The following ACSL3 variants were observed in gnomAD, a reference collection of about 807,000 sequenced individuals.
ACSL3 encodes acyl-CoA synthetase long chain family member 3.
ACSL3 carries 34 observed loss-of-function variants against 84.7 expected under a neutral mutation model. That is an observed-to-expected ratio of 0.40 (90% confidence interval 0.31 to 0.53). The LOEUF (loss-of-function observed/expected upper bound fraction) is 0.53, where lower values mean the gene tolerates loss of function less well. ACSL3 is among the 20% of genes least tolerant of loss of function. ACSL3 has a pLI of 0.48. For missense variants in ACSL3, 680 were observed against 873.1 expected (o/e 0.78, Z 2.79); for synonymous variants, 315 against 299.4 (o/e 1.05, Z -0.54).
intron 1 of ACSL3, among the ~76,000 whole-genome samples, chr2:222,879,088 G>A (rs1054775794): frequency 4.6e-5 from 7 of 152,276 alleles, no homozygotes; most frequent in Admixed American, 2.0e-4. Context: ...AGGCCAAGGC[G>A]GGTGGATCAC....
chr2:222,920,873 T>C, intron 7 of ACSL3: 1 of 430,662 alleles, frequency 2.3e-6, no homozygotes. Context: ...CATTCCTACC[T>C]TTGGGTCTTT....
At chr2:222,909,197 C>T in intron 4 of ACSL3, 47 bp downstream of exon 4, 2 of 1,550,698 alleles carry the variant, frequency 1.3e-6, no homozygotes, top group Admixed American at 2.1e-5. Context: ...ATAAAATATC[C>T]TGTTAGAAAT....
At position 222,899,934 on chromosome 2, in the gene ACSL3, A is replaced by G. The variant is rs180720519; in HGVS notation, c.-147-740A>G. On this transcript the variant is annotated intron_variant, in intron 2 of 16. Transcript: ENST00000357430. The stretch of plus-strand genomic sequence containing the variant: ...TGTTCCCTTAACTGGAAACACCCGG[A>G]GGCTCGGAATGCCTAATTTTCTGGG... 2.3e-4 allele frequency among the ~76,000 whole-genome samples: 35 copies of G among 152,248 alleles called. No homozygotes were observed. In the East Asian group the frequency reaches 5.8e-3, roughly 25 times the overall value.
At chr2:222,894,981 C>T (rs1161481886) in intron 2 of ACSL3, among the ~76,000 whole-genome samples, 1 of 151,978 alleles carries the variant, frequency 6.6e-6, no homozygotes, top group African/African-American at 2.4e-5. Context: ...GACTATGTTA[C>T]TACTAGTTGC....
At chr2:222,913,302 A>AT (rs1224654949) in intron 4 of ACSL3, among the ~76,000 whole-genome samples, 1 of 151,816 alleles carries the variant, frequency 6.6e-6, no homozygotes, top group Non-Finnish European at 1.5e-5. Context: ...TCTTAGTCAC[A>AT]TTTTTTTACC....
rs190633208 is a variant in ACSL3, at chr2:222,886,393, C to T, written c.-206-1437C>T. Among the ~76,000 whole-genome samples, 588 of 152,230 alleles carry T rather than the reference C, an allele frequency of 3.9e-3. 2 individuals carry two copies. The highest frequency in any genetic ancestry group is 0.02 in the Middle Eastern group (6 of 294). Reference sequence around the variant, plus strand: ...GCTTCCAGCTTCATCCATGTCCCTGCGAAGGACATGAACTCATTCTTTTTT... The same window carrying T: ...GCTTCCAGCTTCATCCATGTCCCTGTGAAGGACATGAACTCATTCTTTTTT... On this transcript the variant is annotated intron_variant, in intron 1 of 16. Coordinates refer to ENST00000357430, the MANE Select transcript of ACSL3 (RefSeq NM_004457.5).
rs1469667362 is a variant in ACSL3 at position 222,934,580 on chromosome 2, C to T, written c.1898C>T (p.Thr633Ile). 2 of 1,598,604 alleles carry T rather than the reference C, an allele frequency of 1.3e-6. No individual in the cohort carries two copies. The highest frequency in any genetic ancestry group is 2.3e-5 in the East Asian group (1 of 44,392). Residue 633 changes from threonine (T) to isoleucine (I), a missense_variant, in exon 16 of 17, where the codon ACT (threonine) becomes ATT (isoleucine). Physicochemically the swap from Thr to Ile is moderately conservative, Grantham distance 89 (BLOSUM62 -1). Around this residue, in one of 2 missense-constraint regions of ACSL3, gnomAD observed 347 missense variants for 525.7 expected, o/e 0.66. Transcript: ENST00000357430. The stretch of plus-strand genomic sequence containing the variant: ...GTTGTGCCAAATCAAAAGGAACTAA[C>T]TGAACTAGCTCGAAAGAAAGGACTT... Reference protein sequence around the residue: ...GFVVPNQKELTELARKKGLKG... With the variant: ...GFVVPNQKELIELARKKGLKG...
rs1696787590 is a variant in ACSL3, at chr2:222,923,292, C to T, written c.1152+143C>T. 4 of 669,924 alleles carry T rather than the reference C, an allele frequency of 6.0e-6. No homozygotes were observed. In the Admixed American group the frequency reaches 9.0e-5, roughly 15 times the overall value. The allele number at this position is 669,924 out of a possible 1,614,324, so 41.5% of individuals were successfully genotyped here. On this transcript the variant is annotated intron_variant, in intron 10 of 16. Transcript: ENST00000357430. ...TTGATTATAAATATTGCCTTAGGCG[C>T]TATGGGATTTCTTCAGTCTTGTTTT... is the stretch of plus-strand genomic sequence containing the variant.
intron 1 of ACSL3, among the ~76,000 whole-genome samples, chr2:222,864,514 C>G (rs1695089869): frequency 6.6e-6 from 1 of 151,778 alleles, no homozygotes; most frequent in Non-Finnish European, 1.5e-5. Context: ...GGCGATGAGT[C>G]AGTACTGTGG....
In ACSL3 at chr2:222,916,355, G is replaced by T; in HGVS notation, c.415G>T (p.Asp139Tyr). 6.2e-7 allele frequency: 1 copy of T among 1,613,580 alleles called. No individual in the cohort carries two copies. The highest frequency in any genetic ancestry group is 8.5e-7 in the Non-Finnish European group (1 of 1,179,740). The change falls in exon 5 of 17, where the codon GAT (aspartate) becomes TAT (tyrosine). Residue 139 changes from aspartate (D) to tyrosine (Y), a missense_variant. Physicochemically the swap from Asp to Tyr is radical, Grantham distance 160. This residue lies in a region of ACSL3 where 333 missense variants were observed against 347.5 expected (regional missense o/e 0.96). Transcript: ENST00000357430. ...LGQYNWLSYE[D>Y]VFVRAFNFGN... ...ACAGTATAATTGGCTTTCCTATGAA[G>T]ATGTCTTTGTTCGAGCCTTTAATTT...
At chr2:222,912,140 A>C (rs552449548) in intron 4 of ACSL3, among the ~76,000 whole-genome samples, 1 of 152,230 alleles carries the variant, frequency 6.6e-6, no homozygotes, top group Non-Finnish European at 1.5e-5. Flanking sequence ...TAGATTTTGC[A>C]TATAATAAAT....
intron 2 of ACSL3, among the ~76,000 whole-genome samples, chr2:222,893,209 CT>C (rs1425269370): frequency 2.0e-5 from 3 of 152,212 alleles, no homozygotes; most frequent in Admixed American, 6.5e-5. Context: ...TCTCTTCCCC[CT>C]GTCCTCATCC....
intron 1 of ACSL3, among the ~76,000 whole-genome samples, chr2:222,867,354 C>T (rs752850662): frequency 5.5e-4 from 83 of 152,282 alleles, no homozygotes; most frequent in Middle Eastern, 6.8e-3. Flanking sequence ...CTTAAAGAAA[C>T]CCACTCCTTT....
At chr2:222,876,922 G>A (rs1401081062) in intron 1 of ACSL3, among the ~76,000 whole-genome samples, 1 of 152,158 alleles carries the variant, frequency 6.6e-6, no homozygotes, top group Non-Finnish European at 1.5e-5. Flanking sequence ...GGAGATAAAC[G>A]ATGGAGGTAA....
In ACSL3 at chr2:222,908,952, A is replaced by G; in HGVS notation, c.180A>G (p.Val60=). ...CAAACCGAATTAAAGCAAAGCCTGT[A>G]AATTCAAAACCTGATTCTGCATACA... The part of the protein sequence containing the change: ...EKSNRIKAKP[V]NSKPDSAYRS... The change falls in exon 4 of 17, where the codon GTA becomes GTG. Residue 60 remains valine, a synonymous_variant. Coordinates refer to ENST00000357430, the MANE Select transcript of ACSL3 (RefSeq NM_004457.5). 1 of 1,613,564 alleles carries G rather than the reference A, an allele frequency of 6.2e-7. No individual in the cohort carries two copies. The highest frequency in any genetic ancestry group is 8.5e-7 in the Non-Finnish European group (1 of 1,179,784).
intron 1 of ACSL3, among the ~76,000 whole-genome samples, chr2:222,863,833 G>T (rs992878289): frequency 2.6e-5 from 4 of 152,084 alleles, no homozygotes; most frequent in African/African-American, 9.7e-5. Context: ...ATAATACATT[G>T]CAATATATTT....
chr2:222,908,714 T>G lies in ACSL3; in HGVS notation c.-40-19T>G. The stretch of plus-strand genomic sequence containing the variant: ...TTAAAATGATTTTGAACTAACGCCT[T>G]TCTTTTTCTTCCTCCTAGATTCTCG... On this transcript the variant is annotated intron_variant, in intron 3 of 16. Coordinates refer to ENST00000357430, the MANE Select transcript of ACSL3 (RefSeq NM_004457.5). 4.1e-6 allele frequency: 6 copies of G among 1,459,204 alleles called. No homozygotes were observed. The highest frequency in any genetic ancestry group is 5.5e-6 in the Non-Finnish European group (6 of 1,082,188). 90.4% of individuals were successfully genotyped at this position (1,459,204 alleles called of 1,614,324 possible).
At chr2:222,934,448 T>C in intron 15 of ACSL3, 82 bp from the exon 16 acceptor site, 2 of 1,170,744 alleles carry the variant, frequency 1.7e-6, no homozygotes, top group South Asian at 4.6e-5. Flanking sequence ...AGGAGTTATT[T>C]ACTACTTGTC....
intron 16 of ACSL3, 95 bp from the exon 17 acceptor site, chr2:222,941,402 T>A: frequency 1.1e-5 from 11 of 969,430 alleles, no homozygotes; most frequent in Non-Finnish European, 1.7e-5. Flanking sequence ...TTGTTGGTTG[T>A]GCATTTTGAT....
Sources: gnomAD v4.1 joint callset for allele counts (sites outside exome capture counted in the v4.1 genomes callset) on GRCh38, gnomAD v4.1.1 for gene constraint, gnomAD v4.1.1 regional missense constraint, MANE v1.5 for transcripts, NCBI Gene and HGNC (gene_info 2026-07-23, HGNC 2026-07-21) for gene names.